Variants in BACH2 observed in about 807,000 individuals in gnomAD.
BACH2 encodes the protein BACH transcriptional regulator 2.
BACH2 carries 5 observed loss-of-function variants against 61.8 expected under a neutral mutation model. That is an observed-to-expected ratio of 0.08 (90% CI 0.04 to 0.17). BACH2 has a LOEUF of 0.17. BACH2 is among the 10% of genes least tolerant of loss of function. The pLI is 1.00. For missense variants in BACH2, 824 were observed against 1,091.1 expected, an observed-to-expected ratio of 0.76 and a Z score of 3.45; for synonymous variants, 446 against 440.1, an observed-to-expected ratio of 1.01 and a Z score of -0.17.
At chr6:90,240,106 A>T (rs759502641) in intron 3 of BACH2, among the ~76,000 whole-genome samples, 1 of 152,184 alleles carries the variant, frequency 6.6e-6, no homozygotes, top group Non-Finnish European at 1.5e-5. Context: ...TTCATCTTAC[A>T]AGTAACAGGT....
At chr6:90,208,162 T>G (rs1769216021) in intron 3 of BACH2, among the ~76,000 whole-genome samples, 1 of 152,192 alleles carries the variant, frequency 6.6e-6, no homozygotes, top group Non-Finnish European at 1.5e-5. Context: ...ACTTCAGGAC[T>G]AAAATACCAA....
chr6:90,073,967 T>G (rs1781361405), intron 5 of BACH2, among the ~76,000 whole-genome samples: 2 of 152,210 alleles, frequency 1.3e-5, no homozygotes, highest in African/African-American at 4.8e-5. Context: ...CGGAGGAATT[T>G]CCCATTTCAG....
chr6:90,291,945 T>A (rs1050043303), intron 1 of BACH2, among the ~76,000 whole-genome samples: 2 of 152,190 alleles, frequency 1.3e-5, no homozygotes, highest in East Asian at 3.8e-4. Flanking sequence ...CGCTGAAACT[T>A]CTTCAACATC....
chr6:90,150,469 A>G (rs1241401844), intron 4 of BACH2, among the ~76,000 whole-genome samples: 1 of 152,216 alleles, frequency 6.6e-6, no homozygotes, highest in Non-Finnish European at 1.5e-5. Flanking sequence ...TCTAACACTT[A>G]TCAATTACTA....
At chr6:90,196,809 G>A (rs1234411768) in intron 4 of BACH2, among the ~76,000 whole-genome samples, 1 of 151,862 alleles carries the variant, frequency 6.6e-6, no homozygotes, top group Non-Finnish European at 1.5e-5. Context: ...CTTTATTAAA[G>A]TTTGAGAGTG....
intron 5 of BACH2, among the ~76,000 whole-genome samples, chr6:90,015,178 T>C (rs1165310991): frequency 6.6e-6 from 1 of 152,210 alleles, no homozygotes; most frequent in African/African-American, 2.4e-5. Context: ...TGTCTTCTCT[T>C]TCTGATCAGT....
rs1477332585 is a variant in BACH2, at chr6:89,950,878, G to C, written c.1228C>G (p.Pro410Ala). 1.2e-6 allele frequency: 2 copies of C among 1,607,272 alleles called. No individual in the cohort carries two copies. The highest frequency in any genetic ancestry group is 1.7e-6 in the Non-Finnish European group (2 of 1,176,234). Residue 410 changes from proline to alanine, a missense_variant, in exon 7 of 9, where the codon CCC becomes GCC. Physicochemically the swap from Pro to Ala is conservative, Grantham distance 27. Around this residue, in one of 8 missense-constraint regions of BACH2, gnomAD observed 226 missense variants for 228.5 expected, o/e 0.99. Coordinates refer to ENST00000257749, the MANE Select transcript of BACH2 (RefSeq NM_021813.4). The surrounding 1 kb of genome is among the most constrained non-coding windows in gnomAD (Gnocchi z 5.3). ...GCCTCCAACCCAGGCCCCCTGAGGG[G>C]CGACCCCATGGTGAAGTTGGACACC... ...KEVSNFTMGSPLRGPGLEALC... is the reference protein window; with the variant it reads ...KEVSNFTMGSALRGPGLEALC...
chr6:90,150,546 T>C (rs183596066), intron 4 of BACH2, among the ~76,000 whole-genome samples: 31 of 152,170 alleles, frequency 2.0e-4, no homozygotes, highest in Admixed American at 1.8e-3. Flanking sequence ...GTGCTAGAGA[T>C]TTCTTGGGGT....
chr6:90,216,460 G>GCTCAGAC (rs1263512858), intron 3 of BACH2, among the ~76,000 whole-genome samples: 1 of 152,148 alleles, frequency 6.6e-6, no homozygotes, highest in Non-Finnish European at 1.5e-5. Context: ...ACTTCCCTCG[G>GCTCAGAC]CTCAGACGGT....
At chr6:90,203,796 T>C (rs1769040434) in intron 4 of BACH2, among the ~76,000 whole-genome samples, 1 of 152,060 alleles carries the variant, frequency 6.6e-6, no homozygotes, top group South Asian at 2.1e-4. Context: ...GCCCTCTGCT[T>C]CTCTTTTTAG....
intron 5 of BACH2, among the ~76,000 whole-genome samples, chr6:90,036,216 AC>A (rs1360359568): frequency 1.3e-5 from 2 of 150,986 alleles, no homozygotes; most frequent in Admixed American, 6.7e-5. Context: ...ATGGTAGGAC[AC>A]CACACTAGAT....
At chr6:90,102,830 TAATAATAATAAA>T (rs1367949724) in intron 4 of BACH2, among the ~76,000 whole-genome samples, 1 of 138,414 alleles carries the variant, frequency 7.2e-6, no homozygotes, top group East Asian at 2.0e-4. Context: ...ATAATAATAA[TAATAATAATAAA>T]AATAAAAGGA....
At chr6:90,010,770 A>C (rs1276699886) in intron 5 of BACH2, among the ~76,000 whole-genome samples, 1 of 152,096 alleles carries the variant, frequency 6.6e-6, no homozygotes, top group East Asian at 1.9e-4. Flanking sequence ...CACTCTTTCT[A>C]GTTTTGGACA....
chr6:90,133,556 T>G (rs961611156), intron 4 of BACH2, among the ~76,000 whole-genome samples: 1 of 152,200 alleles, frequency 6.6e-6, no homozygotes. Context: ...TATTTTTTAT[T>G]GTACTTTAAG....
chr6:89,951,377 A>G lies in BACH2; in HGVS notation c.729T>C (p.Tyr243=), dbSNP rs138821467. 1.1e-4 allele frequency: 183 copies of G among 1,614,256 alleles called. No individual in the cohort carries two copies. The highest frequency in any genetic ancestry group is 1.5e-4 in the Non-Finnish European group (173 of 1,180,040). Residue 243 remains tyrosine (Y), a synonymous_variant, in exon 7 of 9, where the codon TAT becomes TAC. Transcript: ENST00000257749. The surrounding 1 kb of genome is among the most constrained non-coding windows in gnomAD (Gnocchi z 6.4). ...KYQLACTKNV[Y]NASSHSTSGF... Reference sequence around the variant, plus strand: ...CTGAGGTACTGTGTGATGATGCATTATAGACATTCTTGGTACATGCAAGCT... The same window carrying G: ...CTGAGGTACTGTGTGATGATGCATTGTAGACATTCTTGGTACATGCAAGCT...
intron 4 of BACH2, among the ~76,000 whole-genome samples, chr6:90,103,029 A>ATATATATATATATT: frequency 4.7e-5 from 1 of 21,164 alleles, no homozygotes; most frequent in African/African-American, 2.4e-4. Flanking sequence ...ATATATATAT[A>ATATATATATATATT]TTTTTTTTTT....
chr6:90,128,959 A>G (rs1783984447), intron 4 of BACH2, among the ~76,000 whole-genome samples: 1 of 152,154 alleles, frequency 6.6e-6, no homozygotes, highest in South Asian at 2.1e-4. Context: ...AACTATCGCA[A>G]GGGCAAAAAA....
intron 3 of BACH2, among the ~76,000 whole-genome samples, chr6:90,211,611 TG>T (rs1349377386): frequency 5.9e-5 from 9 of 151,362 alleles, no homozygotes; most frequent in African/African-American, 1.7e-4. Context: ...TGTGTGTGTG[TG>T]TGTGTGTGTG....
At position 90,239,284 on chromosome 6, in the gene BACH2, G is replaced by A. The variant is rs79326018; in HGVS notation, c.-275+13229C>T. ...TTTTCTGTCAGCTGGGAATGTCCTG[G>A]CATTAAACCAAGGACCTCAATCCCC... is the stretch of plus-strand genomic sequence containing the variant. On this transcript the variant is annotated intron_variant, in intron 3 of 8. Coordinates refer to ENST00000257749, the MANE Select transcript of BACH2 (RefSeq NM_021813.4). 1.4e-4 allele frequency among the ~76,000 whole-genome samples: 22 copies of A among 152,260 alleles called. No homozygotes were observed. In the East Asian group the frequency reaches 2.3e-3, roughly 16 times the overall value.
Sources: allele counts gnomAD v4.1 joint callset (sites outside exome capture counted in the v4.1 genomes callset), GRCh38; gene constraint gnomAD v4.1.1; regional missense constraint gnomAD v4.1.1; non-coding constraint Gnocchi (gnomAD v3.1); transcripts MANE v1.5; gene names NCBI Gene and HGNC (gene_info 2026-07-23, HGNC 2026-07-21).